DYRK1A: variants seen among roughly 807,000 people sequenced by gnomAD.
The protein encoded by DYRK1A is dual specificity tyrosine-phosphorylation-regulated kinase 1A.
DYRK1A carries 9 observed loss-of-function variants against 79.7 expected under a neutral mutation model. The ratio of observed to expected loss-of-function variants is 0.11; its 90% confidence interval spans 0.07 to 0.20. The LOEUF is 0.20. DYRK1A is among the 10% of genes least tolerant of loss of function. DYRK1A has a pLI of 1.00. For missense variants in DYRK1A, 622 were observed against 956.0 expected, an observed-to-expected ratio of 0.65 and a Z score of 4.61; for synonymous variants, 349 against 329.7, an observed-to-expected ratio of 1.06 and a Z score of -0.63.
chr21:37,395,417 T>C (rs1298204184), intron 1 of DYRK1A, among the ~76,000 whole-genome samples: 1 of 152,188 alleles, frequency 6.6e-6, no homozygotes, highest in Non-Finnish European at 1.5e-5. Context: ...GTGCTCCCGC[T>C]CCTCACCTCA....
At chr21:37,399,353 A>G (rs1373338640) in intron 1 of DYRK1A, among the ~76,000 whole-genome samples, 1 of 152,108 alleles carries the variant, frequency 6.6e-6, no homozygotes, top group Non-Finnish European at 1.5e-5. Flanking sequence ...CTGCTACCCC[A>G]TTATGAAATT....
At chr21:37,428,523 C>T (rs544231350) in intron 2 of DYRK1A, among the ~76,000 whole-genome samples, 2 of 152,268 alleles carry the variant, frequency 1.3e-5, no homozygotes, top group African/African-American at 4.8e-5. Context: ...TAGATGTAAT[C>T]ACTGCTTTTA....
At chr21:37,466,163 T>G (rs948689575) in intron 2 of DYRK1A, among the ~76,000 whole-genome samples, 3 of 152,246 alleles carry the variant, frequency 2.0e-5, no homozygotes, top group African/African-American at 7.2e-5. Flanking sequence ...TTACCCATCT[T>G]TCCTTCCAGA....
chr21:37,506,215 A>G lies in DYRK1A; in HGVS notation c.1636A>G (p.Ser546Gly). 1 of 1,614,142 alleles carries G rather than the reference A, an allele frequency of 6.2e-7. No homozygotes were observed. ...GCAGGCCATGGACTGCGAGACACAC[A>G]GTCCCCAGGTGAGCTCGCACGTGGT... ...AVQAMDCETH[S>G]PQVRQQFPAP... is the part of the protein sequence containing the mutation. Residue 546 changes from serine to glycine, a missense_variant, in exon 11 of 12, where the codon AGT becomes GGT. Physicochemically the swap from Ser to Gly is moderately conservative, Grantham distance 56. Coordinates refer to ENST00000647188, the MANE Select transcript of DYRK1A (RefSeq NM_001347721.2).
intron 2 of DYRK1A, among the ~76,000 whole-genome samples, chr21:37,439,850 A>C (rs1248184076): frequency 6.6e-6 from 1 of 152,090 alleles, no homozygotes; most frequent in African/African-American, 2.4e-5. Context: ...ATCTCCCGAG[A>C]TTACCACATG....
At position 37,516,205 on chromosome 21, in the gene DYRK1A, T is replaced by TG. The variant is rs1300625788; in HGVS notation, c.*3676dup. ...GGTAGACTGTATGTAATAGACCAGA[T>TG]GGTTCATTCCAAATACATGACTTGG... is the stretch of plus-strand genomic sequence containing the variant. On this transcript the variant is annotated 3_prime_UTR_variant, in exon 12 of 12. Transcript: ENST00000647188. 6.6e-6 allele frequency: 1 copy of TG among 152,214 alleles called. No homozygotes were observed. The highest frequency in any genetic ancestry group is 6.5e-5 in the Admixed American group (1 of 15,284). 9.4% of individuals were successfully genotyped at this position (152,214 alleles called of 1,614,324 possible). A position where few individuals can be genotyped will look rare whatever the true frequency, so the allele number is the denominator to read the frequency against.
At chr21:37,504,044 C>T (rs1037322848) in intron 9 of DYRK1A, 2 of 152,218 alleles carry the variant, frequency 1.3e-5, no homozygotes, top group Admixed American at 1.3e-4. Flanking sequence ...GGCCTCTCAA[C>T]TCTGTCAGGC....
chr21:37,386,411 C>T (rs902291056), intron 1 of DYRK1A, among the ~76,000 whole-genome samples: 2 of 152,106 alleles, frequency 1.3e-5, no homozygotes, highest in African/African-American at 2.4e-5. Flanking sequence ...GACTTTCTCA[C>T]GTCGGGGCCT....
intron 2 of DYRK1A, among the ~76,000 whole-genome samples, chr21:37,461,735 G>A (rs1238936430): frequency 6.6e-6 from 1 of 152,120 alleles, no homozygotes; most frequent in African/African-American, 2.4e-5. Context: ...TGGTGAGAAA[G>A]TGGTGACTCC....
intron 2 of DYRK1A, among the ~76,000 whole-genome samples, chr21:37,470,569 A>G (rs1159284119): frequency 6.6e-6 from 1 of 152,170 alleles, no homozygotes; most frequent in Non-Finnish European, 1.5e-5. Context: ...TTGAATGGTT[A>G]AGAAATTTGC....
intron 2 of DYRK1A, among the ~76,000 whole-genome samples, chr21:37,425,485 A>C (rs1430486331): frequency 6.6e-6 from 1 of 152,204 alleles, no homozygotes; most frequent in Non-Finnish European, 1.5e-5. Context: ...TATAGAAAAA[A>C]TGATGGGAAA....
At chr21:37,484,578 C>G (rs2052784901) in intron 5 of DYRK1A, among the ~76,000 whole-genome samples, 1 of 152,092 alleles carries the variant, frequency 6.6e-6, no homozygotes, top group South Asian at 2.1e-4. Context: ...ATCCGCCTGC[C>G]TTGGCCTCCC....
chr21:37,470,923 C>T (rs1359017582), intron 2 of DYRK1A, among the ~76,000 whole-genome samples: 1 of 152,166 alleles, frequency 6.6e-6, no homozygotes, highest in Non-Finnish European at 1.5e-5. Flanking sequence ...CCATCTTTCA[C>T]CACAGTTGTA....
At chr21:37,387,517 C>T (rs1005659592) in intron 1 of DYRK1A, among the ~76,000 whole-genome samples, 2 of 152,022 alleles carry the variant, frequency 1.3e-5, no homozygotes, top group Admixed American at 6.6e-5. Flanking sequence ...AAAAAATATC[C>T]GACAGTTGTT....
intron 1 of DYRK1A, among the ~76,000 whole-genome samples, chr21:37,372,837 G>A (rs1038657299): frequency 1.3e-5 from 2 of 151,994 alleles, no homozygotes; most frequent in African/African-American, 4.8e-5. Context: ...CCCAAACCAG[G>A]TAGTCTTCCT....
At chr21:37,462,229 C>T (rs960429344) in intron 2 of DYRK1A, among the ~76,000 whole-genome samples, 1 of 152,108 alleles carries the variant, frequency 6.6e-6, no homozygotes, top group Admixed American at 6.5e-5. Context: ...GTGAATTGGG[C>T]TGGCTATGGG....
intron 11 of DYRK1A, among the ~76,000 whole-genome samples, chr21:37,507,490 G>C (rs1347963308): frequency 6.6e-6 from 1 of 151,882 alleles, no homozygotes; most frequent in Non-Finnish European, 1.5e-5. Context: ...TTCCACTTAG[G>C]TCCTGCCCTC....
intron 10 of DYRK1A, 59 bp downstream of exon 10, chr21:37,505,648 G>A: frequency 1.3e-6 from 2 of 1,489,082 alleles, no homozygotes; most frequent in Non-Finnish European, 1.8e-6. Flanking sequence ...TTTATGAAGT[G>A]GGATTATTTT....
chr21:37,480,523 A>G (rs183868724), intron 4 of DYRK1A, 115 bp from the exon 5 acceptor site: 8 of 767,528 alleles, frequency 1.0e-5, no homozygotes, highest in African/African-American at 1.8e-5. Flanking sequence ...GATCAGTATT[A>G]TTTTCTAACT....
Sources: allele counts gnomAD v4.1 joint callset (sites outside exome capture counted in the v4.1 genomes callset), GRCh38; gene constraint gnomAD v4.1.1; transcripts MANE v1.5; gene names NCBI Gene and HGNC (gene_info 2026-07-23, HGNC 2026-07-21).